STK38L: variants seen among roughly 807,000 people sequenced by gnomAD.
STK38L encodes serine/threonine-protein kinase 38-like.
STK38L carries 28 observed loss-of-function variants against 59.7 expected under a neutral mutation model. The observed-to-expected ratio is 0.47, with a 90% CI of 0.35 to 0.64. The LOEUF (loss-of-function observed/expected upper bound fraction) is 0.64, where lower values mean the gene tolerates loss of function less well. Ranked by LOEUF, STK38L falls within the 30% of genes least tolerant of loss-of-function variation. STK38L has a pLI of 0.01. For synonymous variants in STK38L, 162 were observed against 176.8 expected (o/e 0.92, Z 0.66); for missense variants, 314 against 555.8 (o/e 0.56, Z 4.37).
At chr12:27,290,762 C>A (rs970007242) in intron 1 of STK38L, among the ~76,000 whole-genome samples, 3 of 152,118 alleles carry the variant, frequency 2.0e-5, no homozygotes, top group Non-Finnish European at 2.9e-5. Context: ...TGTAAGGGGC[C>A]GGCTGCAGCT....
At chr12:27,254,533 A>T (rs1943048006) in intron 1 of STK38L, among the ~76,000 whole-genome samples, 1 of 152,146 alleles carries the variant, frequency 6.6e-6, no homozygotes, top group Non-Finnish European at 1.5e-5. Context: ...ACATAGATTT[A>T]CTTTCTACAG....
chr12:27,270,668 G>A (rs1433260230), intron 1 of STK38L, among the ~76,000 whole-genome samples: 4 of 151,864 alleles, frequency 2.6e-5, no homozygotes, highest in Admixed American at 2.6e-4. Context: ...GTGAGCCACC[G>A]CACCCAGCGC....
chr12:27,306,235 G>T (rs1944308530), intron 3 of STK38L, among the ~76,000 whole-genome samples: 1 of 152,030 alleles, frequency 6.6e-6, no homozygotes, highest in African/African-American at 2.4e-5. Context: ...GTATAGTGAT[G>T]TCATCTTTTC....
At chr12:27,253,916 C>T (rs1170364684) in intron 1 of STK38L, among the ~76,000 whole-genome samples, 1 of 152,206 alleles carries the variant, frequency 6.6e-6, no homozygotes, top group Non-Finnish European at 1.5e-5. Context: ...GAAAGTGTTT[C>T]TGTTGCCTCT....
At chr12:27,300,168 A>G (rs1345395055) in intron 2 of STK38L, among the ~76,000 whole-genome samples, 2 of 152,192 alleles carry the variant, frequency 1.3e-5, no homozygotes, top group African/African-American at 4.8e-5. Flanking sequence ...GCTTGGTGCC[A>G]CTGTATGTCA....
chr12:27,271,609 C>T (rs1249472003), intron 1 of STK38L, among the ~76,000 whole-genome samples: 1 of 152,232 alleles, frequency 6.6e-6, no homozygotes, highest in Admixed American at 6.5e-5. Flanking sequence ...TGGATAGTTA[C>T]TGTGCAGTTG....
At chr12:27,315,527 CA>C (rs1265304234) in intron 9 of STK38L, among the ~76,000 whole-genome samples, 177 bp downstream of exon 9, 1 of 152,154 alleles carries the variant, frequency 6.6e-6, no homozygotes, top group Non-Finnish European at 1.5e-5. Flanking sequence ...GCCTGTAAAG[CA>C]AAGTGTTGGT....
In STK38L at chr12:27,265,323, C is replaced by T. The variant is rs149999879; in HGVS notation, c.-12+20991C>T. Among the ~76,000 whole-genome samples, 556 of 152,082 alleles carry T rather than the reference C, an allele frequency of 3.7e-3. 4 individuals carry two copies. The highest frequency in any genetic ancestry group is 0.013 in the African/African-American group (529 of 41,504). On this transcript the variant is annotated intron_variant, in intron 1 of 13. Transcript: ENST00000389032. The stretch of plus-strand genomic sequence containing the variant: ...ACTATATATAGCTTGCTTCTTTTTC[C>T]ATCATGATAATTTTCCCATGTCATG...
At position 27,325,858 on chromosome 12, in the gene STK38L, A is replaced by G. The variant is rs1350053130; in HGVS notation, c.*3403A>G. 6.6e-6 allele frequency: 1 copy of G among 152,202 alleles called. No individual in the cohort carries two copies. The highest frequency in any genetic ancestry group is 1.5e-5 in the Non-Finnish European group (1 of 68,028). 9.4% of individuals were successfully genotyped at this position (152,202 alleles called of 1,614,324 possible). A position where few individuals can be genotyped will look rare whatever the true frequency, so the allele number is the denominator to read the frequency against. ...TGTCTAGAAAAGTAATCATGAGGCTACTGAGTTTGGTGTTCAGTTACTGAG... is the reference window on the plus strand; with the variant it reads ...TGTCTAGAAAAGTAATCATGAGGCTGCTGAGTTTGGTGTTCAGTTACTGAG... On this transcript the variant is annotated 3_prime_UTR_variant, in exon 14 of 14. Transcript: ENST00000389032.
chr12:27,317,572 G>A (rs780144350), intron 10 of STK38L, 119 bp downstream of exon 10: 40 of 865,630 alleles, frequency 4.6e-5, no homozygotes, highest in Non-Finnish European at 6.8e-5. Flanking sequence ...TAATTCTGAT[G>A]TTCCCCCAAT....
chr12:27,263,428 T>C (rs2346079), intron 1 of STK38L, among the ~76,000 whole-genome samples: 3 of 152,184 alleles, frequency 2.0e-5, no homozygotes, highest in African/African-American at 7.2e-5. Flanking sequence ...CCTGGTCTCA[T>C]GGAGATTGAA....
chr12:27,284,569 G>T (rs1322615340), intron 1 of STK38L, among the ~76,000 whole-genome samples: 1 of 152,176 alleles, frequency 6.6e-6, no homozygotes, highest in East Asian at 1.9e-4. Context: ...TTGCTAAATA[G>T]AATTGAACTT....
rs1944783037 is a variant in STK38L, at chr12:27,323,765, A to G, written c.*1310A>G. 1 of 152,428 alleles carries G rather than the reference A, an allele frequency of 6.6e-6. No homozygotes were observed. The highest frequency in any genetic ancestry group is 2.4e-5 in the African/African-American group (1 of 41,452). The allele number at this position is 152,428 out of a possible 1,614,324, so 9.4% of individuals were successfully genotyped here. A position where few individuals can be genotyped will look rare whatever the true frequency, so the allele number is the denominator to read the frequency against. On this transcript the variant is annotated 3_prime_UTR_variant, in exon 14 of 14. Coordinates refer to ENST00000389032, the MANE Select transcript of STK38L (RefSeq NM_015000.4). ...AGAGGATAGGGGAGATAATATCAGC[A>G]TCAAATTCTTTGGGTATCTCTCTAA...
intron 2 of STK38L, among the ~76,000 whole-genome samples, chr12:27,301,345 G>A (rs12819921): frequency 0.08 from 12,184 of 152,150 alleles, 547 homozygotes; most frequent in South Asian, 0.12. Flanking sequence ...TGCAACCTCC[G>A]CCTCCCAGGT....
intron 12 of STK38L, among the ~76,000 whole-genome samples, chr12:27,319,823 A>G (rs566051158): frequency 6.6e-6 from 1 of 152,344 alleles, no homozygotes; most frequent in African/African-American, 2.4e-5. Flanking sequence ...GCATTAAATA[A>G]TACAAGTAAC....
intron 1 of STK38L, among the ~76,000 whole-genome samples, chr12:27,245,220 G>A (rs1220478949): frequency 6.6e-6 from 1 of 152,136 alleles, no homozygotes; most frequent in Non-Finnish European, 1.5e-5. Context: ...TCCAAAAGTA[G>A]GATGCTATTG....
intron 1 of STK38L, among the ~76,000 whole-genome samples, chr12:27,251,600 C>CA (rs1416165960): frequency 3.3e-5 from 5 of 152,188 alleles, no homozygotes; most frequent in Admixed American, 3.3e-4. Context: ...AAGGCCTCTA[C>CA]AAAATTAGTT....
rs1313480646 is a variant in STK38L at position 27,317,458 on chromosome 12, G to GT, written c.955+9dup. 29 of 1,576,798 alleles carry GT rather than the reference G, an allele frequency of 1.8e-5. 1 individual carries two copies. The Admixed American group carries it at 4.2e-4, about 23-fold the overall frequency. ...TTATGTATGAAATGCTAATAGGTAT[G>GT]TTTTATCATTCATTTATGTACAAAA... On this transcript the variant is annotated splice_donor_region_variant and intron_variant, in intron 10 of 13. Coordinates refer to ENST00000389032, the MANE Select transcript of STK38L (RefSeq NM_015000.4).
intron 1 of STK38L, among the ~76,000 whole-genome samples, chr12:27,290,544 AACTT>A (rs2136633473): frequency 6.6e-6 from 1 of 152,284 alleles, no homozygotes; most frequent in Non-Finnish European, 1.5e-5. Flanking sequence ...CCACATCTGA[AACTT>A]AGAGATAATT....
Sources: allele counts gnomAD v4.1 joint callset (sites outside exome capture counted in the v4.1 genomes callset), GRCh38; gene constraint gnomAD v4.1.1; transcripts MANE v1.5; gene names NCBI Gene and HGNC (gene_info 2026-07-23, HGNC 2026-07-21).